TAF11: variants seen among roughly 807,000 people sequenced by gnomAD.
TAF11 encodes transcription initiation factor TFIID subunit 11.
Under a neutral mutation model 23.0 loss-of-function variants are expected in TAF11, and 10 were observed. That is an observed-to-expected ratio of 0.43 (90% confidence interval 0.27 to 0.74). TAF11 has a LOEUF of 0.74. Ranked by LOEUF, TAF11 falls within the 30% of genes least tolerant of loss-of-function variation. The pLI, the probability that TAF11 is intolerant of heterozygous loss-of-function variation, is 0.19. For synonymous variants in TAF11, 85 were observed against 95.8 expected, an observed-to-expected ratio of 0.89 and a Z score of 0.66; for missense variants, 196 against 261.7, an observed-to-expected ratio of 0.75 and a Z score of 1.73.
chr6:34,885,959 C>T (rs562899233), intron 1 of TAF11, among the ~76,000 whole-genome samples: 1 of 152,218 alleles, frequency 6.6e-6, no homozygotes, highest in South Asian at 2.1e-4. Flanking sequence ...GAAACCTCAG[C>T]TCTACTAAAA....
intron 4 of TAF11, among the ~76,000 whole-genome samples, chr6:34,879,142 C>T (rs1002632640): frequency 6.6e-6 from 1 of 152,148 alleles, no homozygotes; most frequent in East Asian, 1.9e-4. Context: ...CTAACTGTTA[C>T]AGTGAGCTGT....
In TAF11 at chr6:34,880,068, A is replaced by G; in HGVS notation, c.409-5T>C. 6.2e-7 allele frequency: 1 copy of G among 1,612,334 alleles called. No individual in the cohort carries two copies. The highest frequency in any genetic ancestry group is 8.5e-7 in the Non-Finnish European group (1 of 1,178,484). ...GCCAGTGATGGACTGGATCAGCTTG[A>G]AAGAAGCACAAAGACTCCGTGATCA... On this transcript the variant is annotated splice_polypyrimidine_tract_variant and splice_region_variant and intron_variant, in intron 3 of 4. Coordinates refer to ENST00000361288, the MANE Select transcript of TAF11 (RefSeq NM_005643.4). This position sits in a 1 kb window ranked among gnomAD's most constrained non-coding sequence, Gnocchi z 4.8.
rs375560595 is a variant in TAF11 at position 34,887,977 on chromosome 6, G to A, written c.-20C>T. 4.3e-6 allele frequency: 7 copies of A among 1,613,142 alleles called. No homozygotes were observed. Among genetic ancestry groups the A allele is most frequent in the Non-Finnish European group, 5.1e-6 (6 of 1,179,398 alleles). ...GTCCATCACGGATAGGATTGGAGGGGAGAGGAGATCGCGGAGATGCCTGAG... is the reference window on the plus strand; with the variant it reads ...GTCCATCACGGATAGGATTGGAGGGAAGAGGAGATCGCGGAGATGCCTGAG... On this transcript the variant is annotated 5_prime_UTR_variant, in exon 1 of 5. Coordinates refer to ENST00000361288, the MANE Select transcript of TAF11 (RefSeq NM_005643.4).
chr6:34,886,615 G>A (rs772148132), intron 1 of TAF11, among the ~76,000 whole-genome samples: 2 of 151,688 alleles, frequency 1.3e-5, no homozygotes, highest in Admixed American at 1.3e-4. Context: ...ACAGGCGCCC[G>A]CCACCATGCC....
At chr6:34,887,677 G>A in intron 1 of TAF11, 110 bp downstream of exon 1, 1 of 1,314,724 alleles carries the variant, frequency 7.6e-7, no homozygotes, top group Admixed American at 1.7e-5. Context: ...AGGGAATTCT[G>A]GTGAGTTCGA....
chr6:34,878,477 A>G lies in TAF11; in HGVS notation c.*113T>C, dbSNP rs915301051. The G allele has an allele frequency of 2.9e-6, 2 of 700,576 alleles. No individual in the cohort carries two copies. Among genetic ancestry groups the G allele is most frequent in the Non-Finnish European group, 5.1e-6 (2 of 389,032 alleles). 43.4% of individuals were successfully genotyped at this position (700,576 alleles called of 1,614,324 possible). On this transcript the variant is annotated 3_prime_UTR_variant, in exon 5 of 5. Transcript: ENST00000361288. The stretch of plus-strand genomic sequence containing the variant: ...GAGTTTTGAGAAAGACATTAAAATC[A>G]TCATGGAATCCTTGGAGGCCTGAGA...
chr6:34,883,684 C>G (rs759805303), intron 1 of TAF11, among the ~76,000 whole-genome samples: 1 of 151,998 alleles, frequency 6.6e-6, no homozygotes, highest in Non-Finnish European at 1.5e-5. Flanking sequence ...ATTTATATCT[C>G]CCCCCCATCA....
intron 1 of TAF11, among the ~76,000 whole-genome samples, chr6:34,885,908 T>C (rs1044459233): frequency 1.3e-5 from 2 of 152,058 alleles, no homozygotes; most frequent in African/African-American, 4.8e-5. Context: ...GATCATGAGG[T>C]CAGGAGTTCA....
At chr6:34,885,621 A>G (rs4646921) in intron 1 of TAF11, among the ~76,000 whole-genome samples, 15 of 152,184 alleles carry the variant, frequency 9.9e-5, no homozygotes, top group Non-Finnish European at 1.3e-4. Context: ...ATATGTAGTG[A>G]GCCCTCTGTG....
Position 34,880,098 on chromosome 6 carries a change from A to G in TAF11, c.409-35T>C, listed in dbSNP as rs1006833350. On this transcript the variant is annotated intron_variant, in intron 3 of 4. Coordinates refer to ENST00000361288, the MANE Select transcript of TAF11 (RefSeq NM_005643.4). This position sits in a 1 kb window ranked among gnomAD's most constrained non-coding sequence, Gnocchi z 4.8. The stretch of plus-strand genomic sequence containing the variant: ...AGCACAAAGACTCCGTGATCACAAT[A>G]GTCAAAGACTGGCTTTGGAACACAG... The G allele has an allele frequency of 6.3e-7, 1 of 1,598,514 alleles. No homozygotes were observed. The highest frequency in any genetic ancestry group is 8.6e-7 in the Non-Finnish European group (1 of 1,166,242).
chr6:34,879,665 T>C, intron 4 of TAF11: 3 of 985,394 alleles, frequency 3.0e-6, no homozygotes, highest in Non-Finnish European at 3.6e-6. Flanking sequence ...TTTTCTTGTA[T>C]CTTTACTTTT....
chr6:34,878,671 T>A lies in TAF11; in HGVS notation c.555A>T (p.Lys185Asn). Residue 185 changes from lysine (K) to asparagine (N), a missense_variant, in exon 5 of 5, where the codon AAA becomes AAT. Coordinates refer to ENST00000361288, the MANE Select transcript of TAF11 (RefSeq NM_005643.4). ...ACCTTCTAACGGCTTCCCTCATATG[T>A]TTGGGTTGTAGTGGTGGCATTTCTC... ...KWGEMPPLQPKHMREAVRRLK... is the reference protein window; with the variant it reads ...KWGEMPPLQPNHMREAVRRLK... The A allele has an allele frequency of 6.2e-7, 1 of 1,614,116 alleles. No individual in the cohort carries two copies. Among genetic ancestry groups the A allele is most frequent in the Non-Finnish European group, 8.5e-7 (1 of 1,180,014 alleles).
chr6:34,879,361 T>C, intron 4 of TAF11: 1 of 961,942 alleles, frequency 1.0e-6, no homozygotes, highest in Non-Finnish European at 1.2e-6. Context: ...CATCTCATTT[T>C]GTATACCATC....
Position 34,887,981 on chromosome 6 carries a change from G to A in TAF11, c.-24C>T. 6.2e-7 allele frequency: 1 copy of A among 1,612,752 alleles called. No individual in the cohort carries two copies. Among genetic ancestry groups the A allele is most frequent in the African/African-American group, 1.3e-5 (1 of 75,022 alleles). ...ATCACGGATAGGATTGGAGGGGAGA[G>A]GAGATCGCGGAGATGCCTGAGGCAG... On this transcript the variant is annotated 5_prime_UTR_variant, in exon 1 of 5. Transcript: ENST00000361288.
chr6:34,886,100 C>G (rs1195249804), intron 1 of TAF11, among the ~76,000 whole-genome samples: 4 of 152,154 alleles, frequency 2.6e-5, no homozygotes, highest in African/African-American at 4.8e-5. Flanking sequence ...TGCACTCCAG[C>G]CTGGGCGGCA....
intron 1 of TAF11, among the ~76,000 whole-genome samples, chr6:34,886,496 G>A (rs1300912504): frequency 6.6e-6 from 1 of 150,804 alleles, no homozygotes; most frequent in Non-Finnish European, 1.5e-5. Flanking sequence ...CCGAGACGGA[G>A]TCTCTGGTAC....
intron 1 of TAF11, among the ~76,000 whole-genome samples, chr6:34,885,879 T>C (rs573182652): frequency 6.6e-6 from 1 of 152,268 alleles, no homozygotes; most frequent in South Asian, 2.1e-4. Flanking sequence ...CCCAGCACTT[T>C]GGGAGGCCGA....
At chr6:34,879,436 T>A (rs1321450828) in intron 4 of TAF11, 1 of 943,420 alleles carries the variant, frequency 1.1e-6, no homozygotes, top group Non-Finnish European at 1.3e-6. Context: ...ATCATGCCAC[T>A]GCACTCCAGC....
In TAF11 at chr6:34,880,041, G is replaced by A; in HGVS notation, c.431C>T (p.Thr144Ile). 1.2e-6 allele frequency: 2 copies of A among 1,614,146 alleles called. No individual in the cohort carries two copies. Among genetic ancestry groups the A allele is most frequent in the Non-Finnish European group, 1.7e-6 (2 of 1,180,014 alleles). Residue 144 changes from threonine (T) to isoleucine (I), a missense_variant, in exon 4 of 5, where the codon ACC becomes ATC. Coordinates refer to ENST00000361288, the MANE Select transcript of TAF11 (RefSeq NM_005643.4). This position sits in a 1 kb window ranked among gnomAD's most constrained non-coding sequence, Gnocchi z 4.8. ...AATAACAACATTCTGAGACACAGAG[G>A]TGCCAGTGATGGACTGGATCAGCTT... ...IKRLIQSITG[T>I]SVSQNVVIAM... is the part of the protein sequence containing the mutation.
Sources: allele counts gnomAD v4.1 joint callset (sites outside exome capture counted in the v4.1 genomes callset), GRCh38; gene constraint gnomAD v4.1.1; non-coding constraint Gnocchi (gnomAD v3.1); transcripts MANE v1.5; gene names NCBI Gene and HGNC (gene_info 2026-07-23, HGNC 2026-07-21).